APBB1IP: variants seen among roughly 807,000 people sequenced by gnomAD.
The protein encoded by APBB1IP is amyloid beta A4 precursor protein-binding family B member 1-interacting protein.
A neutral mutation model predicts 64.9 loss-of-function variants in APBB1IP; 27 were observed. That is an observed-to-expected ratio of 0.42 (90% CI 0.31 to 0.57). The LOEUF is 0.57. Among genes scored for constraint, APBB1IP ranks in the 20% least tolerant of loss-of-function variants. APBB1IP has a pLI of 0.20. For missense variants in APBB1IP, 812 were observed against 845.5 expected (o/e 0.96, Z 0.49); for synonymous variants, 392 against 331.0 (o/e 1.18, Z -2.00).
Position 26,447,886 on chromosome 10 carries a change from T to C in APBB1IP, c.-1+9033T>C, listed in dbSNP as rs1396047176. 3.3e-5 allele frequency among the ~76,000 whole-genome samples: 5 copies of C among 152,222 alleles called. No individual in the cohort carries two copies. In the Middle Eastern group the frequency reaches 0.01, roughly 311 times the overall value. On this transcript the variant is annotated intron_variant, in intron 2 of 14. Transcript: ENST00000376236. ...CTTGGGCTCAAGCAATCCTTCCACC[T>C]CGGCCTCCCAAAGTGCCGGGATTAT...
intron 4 of APBB1IP, among the ~76,000 whole-genome samples, chr10:26,497,673 G>T (rs1021061991): frequency 1.0e-4 from 15 of 149,146 alleles, no homozygotes; most frequent in African/African-American, 3.7e-4. Context: ...TAGGAGAAAA[G>T]TTCAATTACA....
At chr10:26,566,899 A>G (rs1202713830) in intron 14 of APBB1IP, 62 bp from the exon 15 acceptor site, 6 of 1,475,118 alleles carry the variant, frequency 4.1e-6, no homozygotes, top group Admixed American at 4.6e-5. Context: ...TTAATTAATA[A>G]CAATAAATTT....
At chr10:26,477,304 T>A (rs1651460077) in intron 2 of APBB1IP, among the ~76,000 whole-genome samples, 1 of 152,202 alleles carries the variant, frequency 6.6e-6, no homozygotes, top group Admixed American at 6.5e-5. Context: ...TAAAGCCATG[T>A]CCACCAGATT....
At chr10:26,513,846 C>T (rs1006245015) in intron 8 of APBB1IP, among the ~76,000 whole-genome samples, 186 bp downstream of exon 8, 8 of 152,138 alleles carry the variant, frequency 5.3e-5, no homozygotes, top group African/African-American at 1.9e-4. Flanking sequence ...AATTCTCTTG[C>T]CTCAGCCTCC....
At chr10:26,544,879 G>A (rs1836740770) in intron 11 of APBB1IP, among the ~76,000 whole-genome samples, 2 of 152,176 alleles carry the variant, frequency 1.3e-5, no homozygotes, top group Admixed American at 6.5e-5. Context: ...GCTATCCAAG[G>A]TCTAGGTCTA....
At chr10:26,555,320 A>G (rs1190936079) in intron 11 of APBB1IP, among the ~76,000 whole-genome samples, 2 of 152,128 alleles carry the variant, frequency 1.3e-5, no homozygotes, top group Non-Finnish European at 2.9e-5. Flanking sequence ...CTTTACTCAG[A>G]TTCCACACCA....
At chr10:26,561,218 G>T (rs60992909) in intron 13 of APBB1IP, among the ~76,000 whole-genome samples, 19,958 of 150,260 alleles carry the variant, frequency 0.13, 1,835 homozygotes, top group East Asian at 0.42. Flanking sequence ...ACAAGCGCCC[G>T]CCACCATGCC....
intron 8 of APBB1IP, among the ~76,000 whole-genome samples, chr10:26,531,098 A>G (rs967629553): frequency 6.6e-6 from 1 of 152,186 alleles, no homozygotes; most frequent in Admixed American, 6.5e-5. Context: ...TATGCCTGTA[A>G]TCCTAGCACT....
At chr10:26,475,777 A>G (rs556053730) in intron 2 of APBB1IP, among the ~76,000 whole-genome samples, 9 of 152,240 alleles carry the variant, frequency 5.9e-5, no homozygotes, top group Admixed American at 3.3e-4. Context: ...TTTCCTTTGC[A>G]TAGTCTTTCC....
intron 2 of APBB1IP, among the ~76,000 whole-genome samples, chr10:26,487,275 T>C (rs150255751): frequency 6.6e-6 from 1 of 151,914 alleles, no homozygotes; most frequent in African/African-American, 2.4e-5. Flanking sequence ...CACGTACATA[T>C]AGGCACAGCC....
intron 8 of APBB1IP, among the ~76,000 whole-genome samples, chr10:26,515,838 C>T (rs1412130973): frequency 1.3e-5 from 2 of 152,102 alleles, no homozygotes; most frequent in African/African-American, 4.8e-5. Context: ...ACCTCCATAC[C>T]TGTTTAGGCT....
chr10:26,520,766 G>A (rs987808189), intron 8 of APBB1IP, among the ~76,000 whole-genome samples: 9 of 152,180 alleles, frequency 5.9e-5, no homozygotes, highest in Admixed American at 5.9e-4. Flanking sequence ...TCACTTCTCA[G>A]TTTGTAAAAT....
At chr10:26,519,991 T>C (rs936533611) in intron 8 of APBB1IP, among the ~76,000 whole-genome samples, 3 of 152,166 alleles carry the variant, frequency 2.0e-5, no homozygotes, top group Non-Finnish European at 4.4e-5. Flanking sequence ...TAATACCCTT[T>C]GATTGTTTAA....
intron 2 of APBB1IP, among the ~76,000 whole-genome samples, chr10:26,464,264 A>G (rs192677342): frequency 8.5e-5 from 13 of 152,358 alleles, no homozygotes; most frequent in African/African-American, 3.1e-4. Flanking sequence ...AGGAGACAGT[A>G]TATAGTCACC....
At chr10:26,532,552 G>C (rs1836567506) in intron 8 of APBB1IP, among the ~76,000 whole-genome samples, 1 of 151,960 alleles carries the variant, frequency 6.6e-6, no homozygotes. Context: ...AGTGATCATA[G>C]CTTACTGCAG....
intron 11 of APBB1IP, among the ~76,000 whole-genome samples, chr10:26,544,119 C>G (rs576482791): frequency 1.3e-5 from 2 of 152,310 alleles, no homozygotes; most frequent in Non-Finnish European, 1.5e-5. Flanking sequence ...GTTTCTCAGG[C>G]CCCCAGAGAT....
intron 2 of APBB1IP, among the ~76,000 whole-genome samples, chr10:26,482,362 C>A (rs1194756485): frequency 1.3e-5 from 2 of 152,178 alleles, no homozygotes; most frequent in Admixed American, 6.5e-5. Flanking sequence ...GTTGCAAGAA[C>A]CTTTAACCAT....
At chr10:26,449,586 G>A (rs7903528) in intron 2 of APBB1IP, among the ~76,000 whole-genome samples, 60,762 of 152,014 alleles carry the variant, frequency 0.4, 12,291 homozygotes, top group South Asian at 0.5. Context: ...TTGAATAGAA[G>A]TATTGGCATT....
intron 11 of APBB1IP, among the ~76,000 whole-genome samples, chr10:26,544,452 G>T (rs1477977945): frequency 6.6e-6 from 1 of 152,162 alleles, no homozygotes; most frequent in Non-Finnish European, 1.5e-5. Flanking sequence ...TGGAGCCTAG[G>T]AATCTTCATT....
Sources: gnomAD v4.1 joint callset for allele counts (sites outside exome capture counted in the v4.1 genomes callset) on GRCh38, gnomAD v4.1.1 for gene constraint, MANE v1.5 for transcripts, NCBI Gene and HGNC (gene_info 2026-07-23, HGNC 2026-07-21) for gene names.